The following CRB1 variants were observed in gnomAD, a reference collection of about 807,000 sequenced individuals.
CRB1 encodes the protein crumbs cell polarity complex component 1, also known as protein crumbs homolog 1.
Under a neutral mutation model 120.0 loss-of-function variants are expected in CRB1, and 83 were observed. The observed-to-expected ratio is 0.69, with a 90% confidence interval of 0.58 to 0.83. The LOEUF (loss-of-function observed/expected upper bound fraction) is 0.83. CRB1 is among the 40% of genes least tolerant of loss of function. The pLI is 0.00. For missense variants in CRB1, 1,699 were observed against 1,687.6 expected, an observed-to-expected ratio of 1.01 and a Z score of -0.12; for synonymous variants, 625 against 612.5, an observed-to-expected ratio of 1.02 and a Z score of -0.30.
chr1:197,331,740 A>T (rs927081141), intron 2 of CRB1, among the ~76,000 whole-genome samples: 7 of 152,228 alleles, frequency 4.6e-5, no homozygotes, highest in Non-Finnish European at 4.4e-5. Flanking sequence ...ATTCATTTCA[A>T]CTATAGTATT....
chr1:197,241,971 C>T, the CRB1 span, among the ~76,000 whole-genome samples: 1 of 152,134 alleles, frequency 6.6e-6, no homozygotes, highest in Non-Finnish European at 1.5e-5. Context: ...TGGGAATTCA[C>T]TCATGATTTG....
the CRB1 span, chr1:197,222,207 G>A: frequency 2.3e-5 from 11 of 468,834 alleles, no homozygotes; most frequent in Admixed American, 2.9e-4. Context: ...TGCACTGCGC[G>A]GCCGCAGCGG....
At chr1:197,364,675 T>C (rs529317748) in intron 5 of CRB1, among the ~76,000 whole-genome samples, 35 of 152,134 alleles carry the variant, frequency 2.3e-4, no homozygotes, top group African/African-American at 8.4e-4. Context: ...CATCTAGTAT[T>C]GAGCCCATTC....
chr1:197,359,347 G>A (rs1002497549), intron 5 of CRB1, among the ~76,000 whole-genome samples: 3 of 150,548 alleles, frequency 2.0e-5, no homozygotes, highest in Admixed American at 6.6e-5. Flanking sequence ...TTTAGAATAA[G>A]AGTTTTTTTT....
chr1:197,408,002 A>G (rs1663503814), intron 5 of CRB1, among the ~76,000 whole-genome samples: 1 of 152,182 alleles, frequency 6.6e-6, no homozygotes, highest in Admixed American at 6.5e-5. Context: ...ACATTTCATC[A>G]AGATATATAC....
intron 5 of CRB1, among the ~76,000 whole-genome samples, chr1:197,359,461 A>G (rs1660661744): frequency 6.6e-6 from 1 of 152,140 alleles, no homozygotes; most frequent in African/African-American, 2.4e-5. Context: ...GTATATATCA[A>G]AGATTTTTTA....
At chr1:197,257,740 A>G in the CRB1 span, among the ~76,000 whole-genome samples, 4 of 152,162 alleles carry the variant, frequency 2.6e-5, no homozygotes, top group African/African-American at 9.7e-5. Flanking sequence ...ATGTCTGTTC[A>G]TAACTGTCCT....
chr1:197,390,126 T>G (rs1394796915), intron 5 of CRB1, among the ~76,000 whole-genome samples: 2 of 149,346 alleles, frequency 1.3e-5, no homozygotes, highest in Admixed American at 6.7e-5. Flanking sequence ...TAATGTTAGC[T>G]TCTGCTTCCT....
intron 5 of CRB1, chr1:197,414,014 T>G (rs766794058): frequency 2.0e-5 from 9 of 452,440 alleles, no homozygotes; most frequent in Non-Finnish European, 3.6e-5. Flanking sequence ...ACTAACTCTC[T>G]TCTTATATAC....
Position 197,429,516 on chromosome 1 carries a change from C to T in CRB1, c.2744C>T (p.Ala915Val). 6.2e-7 allele frequency: 1 copy of T among 1,613,962 alleles called. No individual in the cohort carries two copies. Reference protein sequence around the residue: ...RWDDFSCSCPALTSGKACEEV... With the variant: ...RWDDFSCSCPVLTSGKACEEV... ...GATGACTTCTCCTGTTCCTGTCCTG[C>T]CCTCACAAGTGGGAAAGCCTGTGAG... The change falls in exon 8 of 12, where the codon GCC (alanine) becomes GTC (valine). Residue 915 changes from alanine to valine, a missense_variant. Transcript: ENST00000367400.
At chr1:197,379,503 T>G (rs1295515526) in intron 5 of CRB1, among the ~76,000 whole-genome samples, 1 of 150,478 alleles carries the variant, frequency 6.6e-6, no homozygotes, top group African/African-American at 2.4e-5. Flanking sequence ...GGTTTCACCG[T>G]GTTAGCCAGG....
chr1:197,438,476 T>G, intron 9 of CRB1, 71 bp from the exon 10 acceptor site: 1 of 1,589,442 alleles, frequency 6.3e-7, no homozygotes, highest in African/African-American at 1.3e-5. Flanking sequence ...CATACATGAA[T>G]TTATCAGAAA....
intron 1 of CRB1, among the ~76,000 whole-genome samples, chr1:197,322,451 A>G (rs1250824799): frequency 1.3e-5 from 2 of 151,594 alleles, no homozygotes; most frequent in Non-Finnish European, 2.9e-5. Context: ...TGACAGAGTG[A>G]GACTCTGTCT....
intron 5 of CRB1, among the ~76,000 whole-genome samples, chr1:197,398,935 T>TGTGTGTGA (rs60382433): frequency 7.1e-6 from 1 of 141,494 alleles, no homozygotes; most frequent in Non-Finnish European, 1.6e-5. Context: ...TGTGTGTGTG[T>TGTGTGTGA]AATATGCAGA....
chr1:197,446,812 A>G (rs1427475421), intron 11 of CRB1, among the ~76,000 whole-genome samples: 2 of 151,864 alleles, frequency 1.3e-5, no homozygotes, highest in African/African-American at 4.8e-5. Context: ...TTTGGTGGAT[A>G]ATATTTTTAA....
intron 5 of CRB1, among the ~76,000 whole-genome samples, chr1:197,362,412 C>T (rs944842070): frequency 1.3e-5 from 2 of 152,008 alleles, no homozygotes; most frequent in Admixed American, 1.3e-4. Context: ...TTTGTATATC[C>T]TTACTGATAC....
chr1:197,222,612 T>G, the CRB1 span: 17 of 772,798 alleles, frequency 2.2e-5, no homozygotes, highest in South Asian at 2.3e-4. Flanking sequence ...GGAAAGAGTG[T>G]ATTTGGTAGG....
At chr1:197,343,845 C>T (rs1034748852) in intron 2 of CRB1, among the ~76,000 whole-genome samples, 3 of 152,162 alleles carry the variant, frequency 2.0e-5, no homozygotes, top group South Asian at 2.1e-4. Flanking sequence ...CAAGGTCATA[C>T]AGCTAATAAG....
chr1:197,292,592 C>T (rs1656254703), intron 1 of CRB1, among the ~76,000 whole-genome samples: 3 of 151,994 alleles, frequency 2.0e-5, no homozygotes, highest in Admixed American at 2.0e-4. Context: ...AAAAGCCTGG[C>T]ACAGACACAA....
Sources: gnomAD v4.1 joint callset for allele counts (sites outside exome capture counted in the v4.1 genomes callset) on GRCh38, gnomAD v4.1.1 for gene constraint, MANE v1.5 for transcripts, NCBI Gene and HGNC (gene_info 2026-07-23, HGNC 2026-07-21) for gene names.